RSRC1: variants seen among roughly 807,000 people sequenced by gnomAD.
The protein encoded by RSRC1 is serine/Arginine-related protein 53.
RSRC1 carries 39 observed loss-of-function variants against 49.1 expected under a neutral mutation model. The observed-to-expected ratio is 0.79, with a 90% CI of 0.61 to 1.04. RSRC1 has a LOEUF of 1.04. Ranked by LOEUF, RSRC1 falls within the 50% of genes least tolerant of loss-of-function variation. The pLI, the probability that RSRC1 is intolerant of heterozygous loss-of-function variation, is 0.00. For synonymous variants in RSRC1, 143 were observed against 130.8 expected, an observed-to-expected ratio of 1.09 and a Z score of -0.63; for missense variants, 388 against 402.4, an observed-to-expected ratio of 0.96 and a Z score of 0.31.
At chr3:158,213,559 G>A (rs1479833695) in intron 4 of RSRC1, among the ~76,000 whole-genome samples, 3 of 152,030 alleles carry the variant, frequency 2.0e-5, no homozygotes, top group Admixed American at 6.6e-5. Context: ...AACATAGCAA[G>A]TGCAGTTAGG....
At chr3:158,180,419 C>CGTGTGTGTGTGTGT (rs374155981) in intron 3 of RSRC1, among the ~76,000 whole-genome samples, 2,927 of 40,684 alleles carry the variant, frequency 0.072, 141 homozygotes, top group Middle Eastern at 0.1. Context: ...TTTTTTTTGC[C>CGTGTGTGTGTGTGT]GTGTGTGTGT....
chr3:158,417,451 G>GA (rs977987136), intron 6 of RSRC1, among the ~76,000 whole-genome samples: 2 of 151,754 alleles, frequency 1.3e-5, no homozygotes, highest in African/African-American at 4.8e-5. Context: ...TACCTCTGTG[G>GA]AAAAAATCAC....
chr3:158,521,610 T>C (rs1013321792), intron 7 of RSRC1, among the ~76,000 whole-genome samples: 14 of 152,168 alleles, frequency 9.2e-5, no homozygotes, highest in African/African-American at 3.4e-4. Flanking sequence ...CCTAAGATTA[T>C]ATCATTAGTT....
chr3:158,336,922 C>T (rs1275525031), intron 5 of RSRC1: 2 of 152,126 alleles, frequency 1.3e-5, no homozygotes, highest in African/African-American at 4.8e-5. Context: ...TTCTGATGGC[C>T]CTTGACCAGG....
chr3:158,245,512 A>G (rs1242855053), intron 4 of RSRC1, among the ~76,000 whole-genome samples: 1 of 152,156 alleles, frequency 6.6e-6, no homozygotes, highest in East Asian at 1.9e-4. Context: ...AGGGTGAAGG[A>G]GTTCTATGGA....
chr3:158,191,374 G>T (rs966978998), intron 3 of RSRC1, among the ~76,000 whole-genome samples: 4 of 151,912 alleles, frequency 2.6e-5, no homozygotes, highest in African/African-American at 9.7e-5. Flanking sequence ...TTATAGATAG[G>T]ACTTAACTGA....
At chr3:158,325,650 A>G (rs958699306) in intron 5 of RSRC1, among the ~76,000 whole-genome samples, 1 of 152,198 alleles carries the variant, frequency 6.6e-6, no homozygotes, top group Non-Finnish European at 1.5e-5. Flanking sequence ...TATTGTTTGA[A>G]GTCAGGTAGC....
chr3:158,195,611 T>A (rs566117261), intron 3 of RSRC1, among the ~76,000 whole-genome samples: 23 of 152,298 alleles, frequency 1.5e-4, no homozygotes, highest in African/African-American at 5.5e-4. Flanking sequence ...AGGTTTTTTC[T>A]AGGGTTTTTA....
At chr3:158,385,091 A>G (rs1012941851) in intron 6 of RSRC1, among the ~76,000 whole-genome samples, 3 of 152,172 alleles carry the variant, frequency 2.0e-5, no homozygotes, top group Non-Finnish European at 4.4e-5. Context: ...GGTACTTTCA[A>G]AATAACATAG....
chr3:158,189,890 A>G (rs1343701919), intron 3 of RSRC1, among the ~76,000 whole-genome samples: 1 of 151,750 alleles, frequency 6.6e-6, no homozygotes, highest in Non-Finnish European at 1.5e-5. Flanking sequence ...TATTTTAATT[A>G]CACCTTCAGT....
chr3:158,251,298 C>G (rs956477480), intron 4 of RSRC1, among the ~76,000 whole-genome samples: 3 of 151,978 alleles, frequency 2.0e-5, no homozygotes, highest in African/African-American at 7.2e-5. Flanking sequence ...TTTGGGTGTT[C>G]TGGATCTTTT....
intron 6 of RSRC1, among the ~76,000 whole-genome samples, chr3:158,419,279 T>C (rs1446396427): frequency 6.6e-6 from 1 of 151,998 alleles, no homozygotes; most frequent in Non-Finnish European, 1.5e-5. Flanking sequence ...TCCTGATTAG[T>C]ACTTATGGCT....
At chr3:158,253,424 T>G (rs1309569347) in intron 4 of RSRC1, among the ~76,000 whole-genome samples, 1 of 152,202 alleles carries the variant, frequency 6.6e-6, no homozygotes, top group Non-Finnish European at 1.5e-5. Flanking sequence ...TCCACTGTAG[T>G]AAGAGAAGAT....
chr3:158,189,726 A>T (rs1720127236), intron 3 of RSRC1, among the ~76,000 whole-genome samples: 1 of 151,820 alleles, frequency 6.6e-6, no homozygotes, highest in Admixed American at 6.6e-5. Flanking sequence ...TAGTCCATTT[A>T]TATTTATTAA....
In RSRC1 at chr3:158,272,571, A is replaced by C. The variant is rs1196345954; in HGVS notation, c.495-25468A>C. Among the ~76,000 whole-genome samples the C allele has an allele frequency of 3.3e-5, 5 of 152,070 alleles. No individual in the cohort carries two copies. In the East Asian group the frequency reaches 9.6e-4, roughly 29 times the overall value. ...TTTTTAATCTTATGTTTTTCAAAAA[A>C]ATTTTTAATACTAGTATTGTTTTTT... On this transcript the variant is annotated intron_variant, in intron 4 of 9. Transcript: ENST00000611884.
intron 4 of RSRC1, among the ~76,000 whole-genome samples, chr3:158,215,860 T>G (rs1721918414): frequency 6.6e-6 from 1 of 151,782 alleles, no homozygotes; most frequent in Non-Finnish European, 1.5e-5. Flanking sequence ...AGATTATGTT[T>G]TACTTTTACT....
chr3:158,414,098 C>G (rs1218020088), intron 6 of RSRC1, among the ~76,000 whole-genome samples: 4 of 152,202 alleles, frequency 2.6e-5, no homozygotes, highest in African/African-American at 4.8e-5. Flanking sequence ...GATACATGCA[C>G]ATGTATGTTC....
intron 6 of RSRC1, among the ~76,000 whole-genome samples, chr3:158,432,869 A>G (rs1735844055): frequency 2.0e-5 from 3 of 151,884 alleles, no homozygotes; most frequent in Admixed American, 1.3e-4. Flanking sequence ...TACTATATAT[A>G]TATACACACA....
At chr3:158,500,585 C>T (rs924788291) in intron 7 of RSRC1, among the ~76,000 whole-genome samples, 1 of 151,930 alleles carries the variant, frequency 6.6e-6, no homozygotes, top group African/African-American at 2.4e-5. Flanking sequence ...CTGATTTAAG[C>T]TAGGAGGGTT....
Sources: allele counts gnomAD v4.1 joint callset (sites outside exome capture counted in the v4.1 genomes callset), GRCh38; gene constraint gnomAD v4.1.1; transcripts MANE v1.5; gene names NCBI Gene and HGNC (gene_info 2026-07-23, HGNC 2026-07-21).